The following AEBP2 variants were observed in gnomAD, a reference collection of about 807,000 sequenced individuals.
AEBP2 encodes the protein AE binding protein 2.
In AEBP2, 10 loss-of-function variants were observed where a neutral mutation model predicts 50.8. The observed-to-expected ratio is 0.20, with a 90% CI of 0.12 to 0.33. The LOEUF is 0.33. Among genes scored for constraint, AEBP2 ranks in the 10% least tolerant of loss-of-function variants. The probability of loss-of-function intolerance (pLI) is 1.00; values close to 1 mark genes in which losing one functional copy is unlikely to be tolerated. For missense variants in AEBP2, 570 were observed against 688.0 expected (o/e 0.83, Z 1.92); for synonymous variants, 296 against 261.3 (o/e 1.13, Z -1.28).
At chr12:19,509,053 A>G (rs558571092) in intron 5 of AEBP2, 2 of 596,250 alleles carry the variant, frequency 3.4e-6, no homozygotes, top group East Asian at 3.6e-5. Context: ...GCATGTGCCC[A>G]GGCAGACATG....
intron 1 of AEBP2, among the ~76,000 whole-genome samples, chr12:19,431,967 G>A (rs1470493462): frequency 1.3e-5 from 2 of 152,090 alleles, no homozygotes; most frequent in African/African-American, 4.8e-5. Flanking sequence ...TATGTCATTT[G>A]TAGTATAGTA....
intron 6 of AEBP2, among the ~76,000 whole-genome samples, chr12:19,514,353 A>T (rs1048550694): frequency 6.6e-6 from 1 of 152,142 alleles, no homozygotes; most frequent in African/African-American, 2.4e-5. Context: ...AGCAAGTCAA[A>T]ATCAAGTATG....
intron 3 of AEBP2, 125 bp from the exon 4 acceptor site, chr12:19,493,675 C>T: frequency 1.1e-6 from 1 of 920,882 alleles, no homozygotes; most frequent in South Asian, 2.1e-5. Context: ...CTTATGCTTC[C>T]TTTCTGGAAT....
rs753161812 is a variant in AEBP2 at position 19,439,822 on chromosome 12, A to G, written c.123A>G (p.Glu41=). 6 of 1,503,038 alleles carry G rather than the reference A, an allele frequency of 4.0e-6. No individual in the cohort carries two copies. Among genetic ancestry groups the G allele is most frequent in the Admixed American group, 4.2e-5 (2 of 47,400 alleles). 93.1% of individuals were successfully genotyped at this position (1,503,038 alleles called of 1,614,324 possible). A position where few individuals can be genotyped will look rare whatever the true frequency, so the allele number is the denominator to read the frequency against. ...CTGAGCCCCCCGAGGAGGAGGAGGA[A>G]GAGGAGGAGGAGGAAGAGGAGGCGG... ...GRAEPPEEEE[E]EEEEEEEAEA... Residue 41 remains glutamate, a synonymous_variant, in exon 1 of 8, where the codon GAA becomes GAG. Transcript: ENST00000266508.
chr12:19,449,386 A>G (rs1158679894), intron 1 of AEBP2, among the ~76,000 whole-genome samples: 1 of 152,204 alleles, frequency 6.6e-6, no homozygotes. Flanking sequence ...TTGTGAAGAT[A>G]TCAATTGCTG....
chr12:19,476,610 G>A (rs1948652377), intron 3 of AEBP2, among the ~76,000 whole-genome samples: 1 of 152,172 alleles, frequency 6.6e-6, no homozygotes, highest in African/African-American at 2.4e-5. Flanking sequence ...CCAAAATGCT[G>A]GGATTACAGG....
chr12:19,433,960 C>A (rs2153365374), intron 1 of AEBP2, among the ~76,000 whole-genome samples: 1 of 152,076 alleles, frequency 6.6e-6, no homozygotes, highest in Non-Finnish European at 1.5e-5. Context: ...GATTCCTCTG[C>A]CTCAGCCTCC....
chr12:19,501,491 G>A (rs1257100578), intron 5 of AEBP2, among the ~76,000 whole-genome samples: 1 of 151,906 alleles, frequency 6.6e-6, no homozygotes, highest in South Asian at 2.1e-4. Flanking sequence ...CAAAAAATTA[G>A]CCAGGCATAG....
chr12:19,512,684 G>C (rs1234933980), intron 6 of AEBP2, among the ~76,000 whole-genome samples: 1 of 149,810 alleles, frequency 6.7e-6, no homozygotes, highest in Non-Finnish European at 1.5e-5. Context: ...TTTTTTTGCT[G>C]GAGGCGGTGG....
chr12:19,479,882 G>GA (rs1399708349), intron 3 of AEBP2, among the ~76,000 whole-genome samples: 1 of 151,738 alleles, frequency 6.6e-6, no homozygotes, highest in Non-Finnish European at 1.5e-5. Context: ...TGTGTTAGGT[G>GA]AGTCTCTTGA....
At chr12:19,441,280 C>G (rs1414852300) in intron 1 of AEBP2, among the ~76,000 whole-genome samples, 3 of 152,186 alleles carry the variant, frequency 2.0e-5, no homozygotes, top group Non-Finnish European at 4.4e-5. Flanking sequence ...TTTTTCAGAA[C>G]ATTTAAAAAG....
intron 2 of AEBP2, among the ~76,000 whole-genome samples, chr12:19,469,859 C>A (rs1204929507): frequency 6.6e-6 from 1 of 152,138 alleles, no homozygotes; most frequent in African/African-American, 2.4e-5. Flanking sequence ...ATAGCCAGAC[C>A]TTAATTCATT....
intron 5 of AEBP2, among the ~76,000 whole-genome samples, chr12:19,504,461 C>T (rs10841247): frequency 0.16 from 24,952 of 151,360 alleles, 3,639 homozygotes; most frequent in African/African-American, 0.39. Context: ...AGGATGCTCT[C>T]GATCTCCTGA....
Position 19,440,079 on chromosome 12 carries a change from G to A in AEBP2, c.380G>A (p.Gly127Asp). The A allele has an allele frequency of 6.6e-7, 1 of 1,512,700 alleles. No individual in the cohort carries two copies. The highest frequency in any genetic ancestry group is 8.8e-7 in the Non-Finnish European group (1 of 1,136,430). The allele number at this position is 1,512,700 out of a possible 1,614,324, so 93.7% of individuals were successfully genotyped here. Reference sequence around the variant, plus strand: ...GAGAGTAGCGCCGAGAGCCTGGTGGGCAGCAGCGGCGGGAGCAGCAGCGAC... The same window carrying A: ...GAGAGTAGCGCCGAGAGCCTGGTGGACAGCAGCGGCGGGAGCAGCAGCGAC... Reference protein sequence around the residue: ...EEESSAESLVGSSGGSSSDET... With the variant: ...EEESSAESLVDSSGGSSSDET... The change falls in exon 1 of 8, where the codon GGC (glycine) becomes GAC (aspartate). Residue 127 changes from glycine to aspartate, a missense_variant. Physicochemically the swap from Gly to Asp is moderately conservative, Grantham distance 94. Transcript: ENST00000266508.
At chr12:19,493,636 A>C (rs1465161642) in intron 3 of AEBP2, among the ~76,000 whole-genome samples, 164 bp from the exon 4 acceptor site, 1 of 152,180 alleles carries the variant, frequency 6.6e-6, no homozygotes, top group Non-Finnish European at 1.5e-5. Context: ...TTGGCAACTT[A>C]CTTCGTAAAG....
intron 1 of AEBP2, among the ~76,000 whole-genome samples, chr12:19,415,655 T>TCAACACAATA (rs2095742117): frequency 7.6e-6 from 1 of 131,882 alleles, no homozygotes; most frequent in Admixed American, 8.4e-5. Flanking sequence ...AGAGATTAAA[T>TCAACACAATA]CAATACAATA....
Position 19,434,175 on chromosome 12 carries a change from A to AT in AEBP2, c.-16-28320dup, listed in dbSNP as rs1325645174. Among the ~76,000 whole-genome samples, 1,296 of 137,530 alleles carry AT rather than the reference A, an allele frequency of 9.4e-3. 16 individuals are homozygous for AT. Among genetic ancestry groups the AT allele is most frequent in the African/African-American group, 0.029 (1,088 of 37,786 alleles). 90.2% of individuals were successfully genotyped at this position (137,530 alleles called of 152,430 possible). The stretch of plus-strand genomic sequence containing the variant: ...TAGTTTTTTTATTGTTAGATTAGTA[A>AT]TTTTTTTTTTTTTTTGAGATGGAGT... On this transcript the variant is annotated intron_variant, in intron 1 of 3. Transcript: ENST00000538425.
At chr12:19,451,516 G>A (rs1028785912) in intron 1 of AEBP2, among the ~76,000 whole-genome samples, 16 of 152,146 alleles carry the variant, frequency 1.1e-4, no homozygotes, top group Admixed American at 2.0e-4. Context: ...AGCGAGCCAG[G>A]CTGAAACTGT....
At chr12:19,410,279 C>G (rs1250315760) in intron 1 of AEBP2, among the ~76,000 whole-genome samples, 3 of 152,180 alleles carry the variant, frequency 2.0e-5, no homozygotes, top group Non-Finnish European at 4.4e-5. Context: ...TGCTCCCACT[C>G]TTATATGTGT....
Sources: gnomAD v4.1 joint callset for allele counts (sites outside exome capture counted in the v4.1 genomes callset) on GRCh38, gnomAD v4.1.1 for gene constraint, MANE v1.5 for transcripts, NCBI Gene and HGNC (gene_info 2026-07-23, HGNC 2026-07-21) for gene names.